Variants in GAD2 observed in about 807,000 individuals in gnomAD.
The protein encoded by GAD2 is glutamate decarboxylase 2.
Under a neutral mutation model 80.1 loss-of-function variants are expected in GAD2, and 22 were observed. That is an observed-to-expected ratio of 0.27 (90% confidence interval 0.20 to 0.39). GAD2 has a LOEUF of 0.39. Among genes scored for constraint, GAD2 ranks in the 10% least tolerant of loss-of-function variants. The pLI is 1.00. For missense variants in GAD2, 624 were observed against 738.4 expected (o/e 0.85, Z 1.80); for synonymous variants, 274 against 256.9 (o/e 1.07, Z -0.64).
intron 8 of GAD2, among the ~76,000 whole-genome samples, chr10:26,260,787 C>G (rs1845000469): frequency 6.6e-6 from 1 of 152,196 alleles, no homozygotes; most frequent in Admixed American, 6.5e-5. Context: ...TGTCCTCACT[C>G]AGGCTAGGAA....
intron 11 of GAD2, among the ~76,000 whole-genome samples, chr10:26,279,955 G>A (rs1266366019): frequency 6.6e-6 from 1 of 152,206 alleles, no homozygotes; most frequent in African/African-American, 2.4e-5. Context: ...AGGAAAGATC[G>A]AGTTAAGCAG....
intron 7 of GAD2, among the ~76,000 whole-genome samples, chr10:26,240,853 G>A (rs924335146): frequency 2.0e-5 from 3 of 152,018 alleles, no homozygotes; most frequent in Admixed American, 6.6e-5. Flanking sequence ...TGGCTAACGC[G>A]GTGAAACCCC....
intron 3 of GAD2, 79 bp from the exon 4 acceptor site, chr10:26,218,963 AT>A: frequency 9.7e-7 from 1 of 1,032,888 alleles, no homozygotes; most frequent in South Asian, 2.2e-5. Context: ...ATTCAAAGAA[AT>A]GTTATTGCCT....
intron 7 of GAD2, among the ~76,000 whole-genome samples, chr10:26,239,396 T>C (rs1564659660): frequency 6.6e-6 from 1 of 152,182 alleles, no homozygotes; most frequent in Non-Finnish European, 1.5e-5. Flanking sequence ...CCCCTGGTCT[T>C]GCTTTTAGAA....
At chr10:26,291,956 C>G (rs1256927931) in intron 13 of GAD2, among the ~76,000 whole-genome samples, 1 of 152,200 alleles carries the variant, frequency 6.6e-6, no homozygotes, top group Non-Finnish European at 1.5e-5. Context: ...CCTAAAATTC[C>G]TGCATCCATT....
chr10:26,222,287 G>A (rs979481294), intron 4 of GAD2, among the ~76,000 whole-genome samples: 2 of 152,118 alleles, frequency 1.3e-5, no homozygotes, highest in African/African-American at 2.4e-5. Context: ...TCCATCTTAT[G>A]CACAGGTTTT....
At chr10:26,255,153 C>A (rs1844928202) in intron 8 of GAD2, among the ~76,000 whole-genome samples, 1 of 152,150 alleles carries the variant, frequency 6.6e-6, no homozygotes, top group African/African-American at 2.4e-5. Context: ...GTAAGAGCAG[C>A]CTACAAAGGA....
At chr10:26,219,366 A>G (rs756664903) in intron 4 of GAD2, 90 bp downstream of exon 4, 12 of 849,048 alleles carry the variant, frequency 1.4e-5, no homozygotes, top group Non-Finnish European at 2.1e-5. Context: ...TGATGGAGTT[A>G]CTGATATTTT....
At chr10:26,279,466 G>A (rs1322076197) in intron 11 of GAD2, among the ~76,000 whole-genome samples, 1 of 152,202 alleles carries the variant, frequency 6.6e-6, no homozygotes, top group Non-Finnish European at 1.5e-5. Flanking sequence ...GCTCACCCCA[G>A]GGGCTGCAGG....
At chr10:26,299,643 A>T (rs1370569012) in intron 15 of GAD2, among the ~76,000 whole-genome samples, 1 of 152,212 alleles carries the variant, frequency 6.6e-6, no homozygotes, top group East Asian at 1.9e-4. Context: ...ACAGTAGAAG[A>T]CACTGTGTCT....
Position 26,267,207 on chromosome 10 carries a change from CA to C in GAD2, c.921-1903del, listed in dbSNP as rs1303676052. Among the ~76,000 whole-genome samples the C allele has an allele frequency of 5.3e-5, 8 of 151,244 alleles. No individual in the cohort carries two copies. The South Asian group carries it at 6.3e-4, about 12-fold the overall frequency. On this transcript the variant is annotated intron_variant, in intron 8 of 15. Coordinates refer to ENST00000376261, the MANE Select transcript of GAD2 (RefSeq NM_001134366.2). ...AAAGTTGGGTAAAATTCAAGATTTG[CA>C]AAAAAAAATTTCTAAGAGTTCTCAC...
At chr10:26,235,987 G>T (rs569564501) in intron 7 of GAD2, among the ~76,000 whole-genome samples, 4 of 152,124 alleles carry the variant, frequency 2.6e-5, no homozygotes, top group African/African-American at 4.8e-5. Flanking sequence ...AATTCGCTCC[G>T]CTCTTCACAT....
At position 26,232,520 on chromosome 10, in the gene GAD2, G is replaced by GCTGGAGTGCTGTGGCGTGATCT. The variant is rs1844617343; in HGVS notation, c.840+2753_840+2774dup. 2.1e-5 allele frequency among the ~76,000 whole-genome samples: 3 copies of GCTGGAGTGCTGTGGCGTGATCT among 146,198 alleles called. No homozygotes were observed. The South Asian group carries it at 6.5e-4, about 32-fold the overall frequency. On this transcript the variant is annotated intron_variant, in intron 7 of 15. Coordinates refer to ENST00000376261, the MANE Select transcript of GAD2 (RefSeq NM_001134366.2). ...GTCAGAGTCTAGCCCTGTCGCCCAG[G>GCTGGAGTGCTGTGGCGTGATCT]CTGGAGTGCTGTGGCGTGATCTCTG... is the stretch of plus-strand genomic sequence containing the variant.
At position 26,217,716 on chromosome 10, in the gene GAD2, A is replaced by G; in HGVS notation, c.136+47A>G. ...CGGCCAAGGTCGGCCCGCGGGGTCC[A>G]AGCAGTCTTCTCACCTCCGCATCCC... On this transcript the variant is annotated intron_variant, in intron 2 of 15. Transcript: ENST00000376261. The surrounding 1 kb of genome is among the most constrained non-coding windows in gnomAD (Gnocchi z 4.9). The G allele has an allele frequency of 6.2e-7, 1 of 1,603,764 alleles. No homozygotes were observed. The highest frequency in any genetic ancestry group is 8.5e-7 in the Non-Finnish European group (1 of 1,174,714).
chr10:26,220,581 T>C (rs899277326), intron 4 of GAD2, among the ~76,000 whole-genome samples: 7 of 152,192 alleles, frequency 4.6e-5, no homozygotes, highest in Non-Finnish European at 1.0e-4. Context: ...ACCCACGTGA[T>C]GTTTATACCA....
In GAD2 at chr10:26,218,732, C is replaced by T. The variant is rs116730664; in HGVS notation, c.287-311C>T. On this transcript the variant is annotated intron_variant, in intron 3 of 15. Transcript: ENST00000376261. ...ATGTAAGATGGTTTACTGAGAAACACGTTTAAGACGAACTCCTGTGAACTA... is the reference window on the plus strand; with the variant it reads ...ATGTAAGATGGTTTACTGAGAAACATGTTTAAGACGAACTCCTGTGAACTA... Among the ~76,000 whole-genome samples, 538 of 152,158 alleles carry T rather than the reference C, an allele frequency of 3.5e-3. 7 individuals carry two copies. Among genetic ancestry groups the T allele is most frequent in the African/African-American group, 0.013 (521 of 41,518 alleles).
intron 6 of GAD2, among the ~76,000 whole-genome samples, chr10:26,226,703 T>A (rs932920856): frequency 6.6e-6 from 1 of 152,194 alleles, no homozygotes; most frequent in Admixed American, 6.5e-5. Flanking sequence ...TGGGACTCAA[T>A]GTGAAGAGTT....
At chr10:26,275,240 A>G (rs1845185676) in intron 11 of GAD2, among the ~76,000 whole-genome samples, 1 of 152,240 alleles carries the variant, frequency 6.6e-6, no homozygotes, top group South Asian at 2.1e-4. Context: ...TATGTACAGT[A>G]CTTTCTCTTC....
At chr10:26,247,797 G>A (rs1438347748) in intron 8 of GAD2, among the ~76,000 whole-genome samples, 1 of 148,012 alleles carries the variant, frequency 6.8e-6, no homozygotes, top group Non-Finnish European at 1.5e-5. Context: ...TCAGGAGGCT[G>A]ACACAGGAGA....
Sources: allele counts gnomAD v4.1 joint callset (sites outside exome capture counted in the v4.1 genomes callset), GRCh38; gene constraint gnomAD v4.1.1; non-coding constraint Gnocchi (gnomAD v3.1); transcripts MANE v1.5; gene names NCBI Gene and HGNC (gene_info 2026-07-23, HGNC 2026-07-21).